CDH4: variants seen among roughly 807,000 people sequenced by gnomAD.
The protein encoded by CDH4 is cadherin 4, also known as cadherin-4.
A neutral mutation model predicts 86.0 loss-of-function variants in CDH4; 33 were observed. The ratio of observed to expected loss-of-function variants is 0.38; its 90% CI spans 0.29 to 0.51. The LOEUF (loss-of-function observed/expected upper bound fraction) is 0.51. Among genes scored for constraint, CDH4 ranks in the 20% least tolerant of loss-of-function variants. The pLI is 0.86. For missense variants in CDH4, 1,114 were observed against 1,307.4 expected, an observed-to-expected ratio of 0.85 and a Z score of 2.28; for synonymous variants, 555 against 549.4, an observed-to-expected ratio of 1.01 and a Z score of -0.14.
intron 4 of CDH4, among the ~76,000 whole-genome samples, chr20:61,836,158 G>A (rs953272708): frequency 2.6e-5 from 4 of 152,232 alleles, no homozygotes; most frequent in Admixed American, 6.5e-5. Flanking sequence ...CCTGCCCATC[G>A]GCTACGGGGA....
rs1336128023 is a variant in CDH4, at chr20:61,897,694, G to T, written c.1188+2647G>T. Among the ~76,000 whole-genome samples the T allele has an allele frequency of 2.0e-5, 3 of 152,306 alleles. No homozygotes were observed. The East Asian group carries it at 5.8e-4, about 29-fold the overall frequency. On this transcript the variant is annotated intron_variant, in intron 8 of 15. Coordinates refer to ENST00000614565, the MANE Select transcript of CDH4 (RefSeq NM_001794.5). ...TCCCCATGGCATTTATTAGAGAGAG[G>T]CGTCTCTGTGCTTTTCCAATGGCTA... is the stretch of plus-strand genomic sequence containing the variant.
At chr20:61,425,677 G>A (rs1442747773) in intron 2 of CDH4, among the ~76,000 whole-genome samples, 1 of 151,914 alleles carries the variant, frequency 6.6e-6, no homozygotes, top group African/African-American at 2.4e-5. Context: ...ACATTCTCGA[G>A]GGCCCTGCCC....
At chr20:61,464,435 A>G (rs2085461942) in intron 2 of CDH4, among the ~76,000 whole-genome samples, 2 of 152,206 alleles carry the variant, frequency 1.3e-5, no homozygotes, top group Non-Finnish European at 2.9e-5. Context: ...AATTCAGTTG[A>G]GAAATGACAG....
intron 11 of CDH4, 81 bp from the exon 12 acceptor site, chr20:61,928,109 T>TGTGC (rs2055064623): frequency 9.4e-7 from 1 of 1,067,244 alleles, no homozygotes; most frequent in African/African-American, 1.5e-5. Flanking sequence ...TGGTTGTTTG[T>TGTGC]GTGCGTGTCC....
intron 2 of CDH4, among the ~76,000 whole-genome samples, chr20:61,463,251 A>T (rs1568854125): frequency 6.6e-6 from 1 of 152,172 alleles, no homozygotes; most frequent in Admixed American, 6.5e-5. Flanking sequence ...GTATGTCTTT[A>T]TTAGCAGCAT....
intron 2 of CDH4, among the ~76,000 whole-genome samples, chr20:61,291,118 G>A (rs944392003): frequency 3.9e-5 from 6 of 152,096 alleles, no homozygotes; most frequent in African/African-American, 7.2e-5. Context: ...CAGTCCCTGC[G>A]AGTGAGAACC....
At position 61,934,042 on chromosome 20, in the gene CDH4, G is replaced by C. The variant is rs2055147473; in HGVS notation, c.2380-14G>C. 6.2e-7 allele frequency: 1 copy of C among 1,610,158 alleles called. No homozygotes were observed. Among genetic ancestry groups the C allele is most frequent in the Non-Finnish European group, 8.5e-7 (1 of 1,179,554 alleles). ...CTTCTGATGCCCCTGACTCCTCCCGGCTCCCTCCCCCAGGACTACGACCTC... is the reference window on the plus strand; with the variant it reads ...CTTCTGATGCCCCTGACTCCTCCCGCCTCCCTCCCCCAGGACTACGACCTC... On this transcript the variant is annotated splice_polypyrimidine_tract_variant and intron_variant, in intron 14 of 15. Coordinates refer to ENST00000614565, the MANE Select transcript of CDH4 (RefSeq NM_001794.5).
intron 2 of CDH4, among the ~76,000 whole-genome samples, chr20:61,310,033 A>AC (rs2084437056): frequency 6.6e-6 from 1 of 152,128 alleles, no homozygotes; most frequent in Non-Finnish European, 1.5e-5. Flanking sequence ...CGGCTTACAG[A>AC]AATGGGTGGC....
intron 2 of CDH4, among the ~76,000 whole-genome samples, chr20:61,700,240 T>C (rs2041442399): frequency 6.6e-6 from 1 of 152,110 alleles, no homozygotes; most frequent in African/African-American, 2.4e-5. Context: ...CCCACAGACA[T>C]ACATTCCCTA....
intron 2 of CDH4, among the ~76,000 whole-genome samples, chr20:61,564,777 T>C (rs1209770286): frequency 6.6e-6 from 1 of 152,096 alleles, no homozygotes; most frequent in Non-Finnish European, 1.5e-5. Context: ...CGGGAAGGAA[T>C]AGAAGGTGGG....
chr20:61,401,373 T>C (rs62199088), intron 2 of CDH4, among the ~76,000 whole-genome samples: 9,030 of 135,418 alleles, frequency 0.067, 315 homozygotes, highest in African/African-American at 0.13. Flanking sequence ...GCAGAAATCA[T>C]CCATGCCATT....
chr20:61,599,705 C>T, intron 2 of CDH4: 3 of 609,356 alleles, frequency 4.9e-6, no homozygotes, highest in Non-Finnish European at 6.2e-6. Flanking sequence ...TGCGTCTGGG[C>T]TCCTTCATCT....
intron 2 of CDH4, among the ~76,000 whole-genome samples, chr20:61,406,900 C>G (rs1408667149): frequency 3.3e-5 from 5 of 150,522 alleles, no homozygotes; most frequent in African/African-American, 1.2e-4. Flanking sequence ...GCCCGGACCA[C>G]CATCTGCTCT....
chr20:61,337,481 G>T (rs1486065599), intron 2 of CDH4, among the ~76,000 whole-genome samples: 3 of 151,742 alleles, frequency 2.0e-5, no homozygotes, highest in Non-Finnish European at 4.4e-5. Flanking sequence ...TGATGATAAT[G>T]TTGACAATGA....
At chr20:61,332,915 CT>C (rs1281686690) in intron 2 of CDH4, among the ~76,000 whole-genome samples, 2 of 152,242 alleles carry the variant, frequency 1.3e-5, no homozygotes, top group Admixed American at 6.5e-5. Context: ...CCTGCGGAGG[CT>C]GACGCGCCCT....
At chr20:61,769,458 T>C (rs2088748485) in intron 3 of CDH4, among the ~76,000 whole-genome samples, 1 of 152,174 alleles carries the variant, frequency 6.6e-6, no homozygotes, top group South Asian at 2.1e-4. Flanking sequence ...CCCCATCTGT[T>C]CCATGGGAAG....
At chr20:61,646,758 A>G (rs1234979050) in intron 2 of CDH4, among the ~76,000 whole-genome samples, 1 of 152,250 alleles carries the variant, frequency 6.6e-6, no homozygotes, top group Admixed American at 6.5e-5. Context: ...CAAGAGCACT[A>G]AAAATTCTGC....
chr20:61,772,381 T>G (rs2088785157), intron 3 of CDH4, among the ~76,000 whole-genome samples: 1 of 152,260 alleles, frequency 6.6e-6, no homozygotes, highest in Non-Finnish European at 1.5e-5. Context: ...AAAAAGGATA[T>G]ATTACTTAGA....
chr20:61,722,389 A>G (rs551661218), intron 2 of CDH4, among the ~76,000 whole-genome samples: 131 of 152,290 alleles, frequency 8.6e-4, no homozygotes, highest in African/African-American at 3.0e-3. Context: ...CTTGGCACAG[A>G]GCCCACTCAT....
Sources: allele counts gnomAD v4.1 joint callset (sites outside exome capture counted in the v4.1 genomes callset), GRCh38; gene constraint gnomAD v4.1.1; transcripts MANE v1.5; gene names NCBI Gene and HGNC (gene_info 2026-07-23, HGNC 2026-07-21).